ARSG: variants seen among roughly 807,000 people sequenced by gnomAD.
The protein encoded by ARSG is ASG.
Under a neutral mutation model 50.5 loss-of-function variants are expected in ARSG, and 37 were observed. That is an observed-to-expected ratio of 0.73 (90% CI 0.56 to 0.96). ARSG has a LOEUF of 0.96. Ranked by LOEUF, ARSG falls within the 50% of genes least tolerant of loss-of-function variation. ARSG has a pLI of 0.00. For missense variants in ARSG, 629 were observed against 675.3 expected, an observed-to-expected ratio of 0.93 and a Z score of 0.76; for synonymous variants, 225 against 254.6, an observed-to-expected ratio of 0.88 and a Z score of 1.11.
chr17:68,328,859 C>T (rs916849194), intron 2 of ARSG, among the ~76,000 whole-genome samples: 10 of 137,216 alleles, frequency 7.3e-5, no homozygotes, highest in Non-Finnish European at 1.2e-4. Flanking sequence ...AGAAACAGGT[C>T]TTACGAGGTA....
At chr17:68,327,335 A>G (rs1296148496) in intron 2 of ARSG, among the ~76,000 whole-genome samples, 2 of 152,138 alleles carry the variant, frequency 1.3e-5, no homozygotes, top group Non-Finnish European at 2.9e-5. Context: ...ACAACCACCA[A>G]AATATATTAT....
chr17:68,433,407 G>A, the ARSG span: 13 of 1,424,974 alleles, frequency 9.1e-6, no homozygotes, highest in Non-Finnish European at 1.3e-5. Context: ...CATGCCAGTA[G>A]AAGAGCCTAG....
chr17:68,301,316 C>A (rs1055942826), intron 1 of ARSG, among the ~76,000 whole-genome samples: 1 of 152,152 alleles, frequency 6.6e-6, no homozygotes. Context: ...AAGCCTGGGA[C>A]ACAAGGATGT....
At chr17:68,352,163 C>CAGAGAG (rs755040817) in intron 5 of ARSG, among the ~76,000 whole-genome samples, 2,528 of 44,398 alleles carry the variant, frequency 0.057, 168 homozygotes, top group African/African-American at 0.14. Flanking sequence ...GAGAGAGAGA[C>CAGAGAG]AGAGAGAGAG....
At chr17:68,352,801 C>T (rs567207187) in intron 5 of ARSG, among the ~76,000 whole-genome samples, 1 of 152,258 alleles carries the variant, frequency 6.6e-6, no homozygotes, top group East Asian at 1.9e-4. Flanking sequence ...TGAGTCACCG[C>T]ACCCAGCGGT....
chr17:68,437,008 A>G, the ARSG span, among the ~76,000 whole-genome samples: 3 of 83,026 alleles, frequency 3.6e-5, no homozygotes, highest in African/African-American at 1.4e-4. Context: ...AAAAAAAAAT[A>G]TATATATATG....
chr17:68,362,394 G>A (rs2079332814), intron 6 of ARSG, among the ~76,000 whole-genome samples: 1 of 151,998 alleles, frequency 6.6e-6, no homozygotes, highest in South Asian at 2.1e-4. Context: ...CTAATGACTA[G>A]CGAGGCAATC....
chr17:68,285,676 A>T (rs909945291), intron 1 of ARSG: 2 of 152,250 alleles, frequency 1.3e-5, no homozygotes, highest in South Asian at 4.1e-4. Flanking sequence ...GTCTCAAAAA[A>T]CAAAAACAAA....
the ARSG span, among the ~76,000 whole-genome samples, chr17:68,436,993 CAAAAAAA>C: frequency 2.4e-5 from 3 of 124,672 alleles, no homozygotes; most frequent in African/African-American, 8.3e-5. Flanking sequence ...GACCCCGTCT[CAAAAAAA>C]AAAAAATATA....
At chr17:68,430,234 A>G in the ARSG span, 2 of 1,464,318 alleles carry the variant, frequency 1.4e-6, no homozygotes, top group Non-Finnish European at 9.2e-7. Flanking sequence ...TCCACACCCA[A>G]GCGTCATTAG....
chr17:68,264,193 GTTGAA>G (rs1478511735), intron 1 of ARSG, among the ~76,000 whole-genome samples: 7 of 152,092 alleles, frequency 4.6e-5, no homozygotes, highest in Non-Finnish European at 8.8e-5. Context: ...ATTTACAATA[GTTGAA>G]TTGGAGTATG....
chr17:68,374,694 A>G (rs778861584), intron 8 of ARSG, among the ~76,000 whole-genome samples: 2 of 152,020 alleles, frequency 1.3e-5, no homozygotes, highest in African/African-American at 2.4e-5. Context: ...TCTATTAAAA[A>G]TACAAAAATT....
chr17:68,386,537 C>A (rs546612103), intron 9 of ARSG, among the ~76,000 whole-genome samples: 1 of 152,102 alleles, frequency 6.6e-6, no homozygotes, highest in Non-Finnish European at 1.5e-5. Flanking sequence ...CCCAGAAATT[C>A]CGGGTCAGCC....
chr17:68,328,468 C>A (rs1308763786), intron 2 of ARSG, among the ~76,000 whole-genome samples: 1 of 152,102 alleles, frequency 6.6e-6, no homozygotes, highest in East Asian at 1.9e-4. Flanking sequence ...TCTTTCCGTG[C>A]CTTTAATTTT....
At chr17:68,356,078 C>T (rs1356781514) in intron 5 of ARSG, among the ~76,000 whole-genome samples, 1 of 152,124 alleles carries the variant, frequency 6.6e-6, no homozygotes, top group East Asian at 1.9e-4. Flanking sequence ...GACAGGGTTT[C>T]ACCCTGCTGG....
chr17:68,360,486 G>T (rs2146556615), intron 6 of ARSG, among the ~76,000 whole-genome samples: 1 of 152,274 alleles, frequency 6.6e-6, no homozygotes, highest in East Asian at 1.9e-4. Flanking sequence ...TTTTTACTTG[G>T]GTCTTTAGTT....
rs1474569712 is a variant in ARSG, at chr17:68,364,043, C to A, written c.705-4505C>A. 2.6e-5 allele frequency among the ~76,000 whole-genome samples: 4 copies of A among 152,160 alleles called. No individual in the cohort carries two copies. The South Asian group carries it at 8.3e-4, about 32-fold the overall frequency. On this transcript the variant is annotated intron_variant, in intron 6 of 11. Coordinates refer to ENST00000621439, the MANE Select transcript of ARSG (RefSeq NM_001267727.2). ...GGCCTGCCTCCCTCCACCCAGGCAC[C>A]ATCTGGGGACACTTCTTGAGAGATG...
At chr17:68,288,321 T>A (rs1180055926), upstream of ARSG, among the ~76,000 whole-genome samples, 1 of 152,144 alleles carries the variant, frequency 6.6e-6, no homozygotes, top group Non-Finnish European at 1.5e-5. Flanking sequence ...TTTTTTTCCA[T>A]TCCTTCAGCA....
intron 10 of ARSG, among the ~76,000 whole-genome samples, chr17:68,397,778 T>A (rs188132402): frequency 1.7e-4 from 26 of 152,306 alleles, no homozygotes; most frequent in African/African-American, 5.1e-4. Context: ...AATTTTATTT[T>A]ATTTTTTGAG....
Sources: gnomAD v4.1 joint callset for allele counts (sites outside exome capture counted in the v4.1 genomes callset) on GRCh38, gnomAD v4.1.1 for gene constraint, MANE v1.5 for transcripts, NCBI Gene and HGNC (gene_info 2026-07-23, HGNC 2026-07-21) for gene names.